NAB2: variants seen among roughly 807,000 people sequenced by gnomAD.
NAB2 encodes NGFI-A binding protein 2, also known as NGFI-A-binding protein 2.
Under a neutral mutation model 44.2 loss-of-function variants are expected in NAB2, and 9 were observed. That is an observed-to-expected ratio of 0.20 (90% confidence interval 0.12 to 0.36). The LOEUF (loss-of-function observed/expected upper bound fraction) is 0.36, where lower values mean the gene tolerates loss of function less well. Ranked by LOEUF, NAB2 falls within the 10% of genes least tolerant of loss-of-function variation. The probability of loss-of-function intolerance (pLI) is 1.00; values close to 1 mark genes in which losing one functional copy is unlikely to be tolerated. For synonymous variants in NAB2, 342 were observed against 291.0 expected, an observed-to-expected ratio of 1.18 and a Z score of -1.78; for missense variants, 514 against 709.0, an observed-to-expected ratio of 0.73 and a Z score of 3.12.
Position 57,089,253 on chromosome 12 carries a change from G to T in NAB2, c.-19G>T. 1.3e-6 allele frequency: 2 copies of T among 1,564,508 alleles called. No individual in the cohort carries two copies. The highest frequency in any genetic ancestry group is 1.2e-5 in the South Asian group (1 of 85,162). On this transcript the variant is annotated 5_prime_UTR_variant, in exon 1 of 7. Transcript: ENST00000300131. ...CGCCGGGCACCGAGAAGGGCAGCCCGGGTGATCTCCGGCCGTCCATGCACA... is the reference window on the plus strand; with the variant it reads ...CGCCGGGCACCGAGAAGGGCAGCCCTGGTGATCTCCGGCCGTCCATGCACA...
At position 57,089,247 on chromosome 12, in the gene NAB2, C is replaced by A; in HGVS notation, c.-25C>A. On this transcript the variant is annotated 5_prime_UTR_variant, in exon 1 of 7. Coordinates refer to ENST00000300131, the MANE Select transcript of NAB2 (RefSeq NM_005967.4). ...GCCGAGCGCCGGGCACCGAGAAGGG[C>A]AGCCCGGGTGATCTCCGGCCGTCCA... 1 of 1,559,604 alleles carries A rather than the reference C, an allele frequency of 6.4e-7. No homozygotes were observed.
At chr12:57,089,447 G>C in intron 1 of NAB2, 93 bp downstream of exon 1, 3 of 1,102,588 alleles carry the variant, frequency 2.7e-6, no homozygotes, top group African/African-American at 1.6e-5. Flanking sequence ...GGGAGGACGT[G>C]GGGAAGCAGG....
In NAB2 at chr12:57,091,107, T is replaced by C. The variant is rs766812668; in HGVS notation, c.84-18T>C. The C allele has an allele frequency of 6.6e-7, 1 of 1,505,800 alleles. No homozygotes were observed. The highest frequency in any genetic ancestry group is 2.3e-5 in the Admixed American group (1 of 44,212). 93.3% of individuals were successfully genotyped at this position (1,505,800 alleles called of 1,614,324 possible). ...GGACTTGCACCGACTGCCTCTCTCTTGTGCCCCTCCTTCTCAGGCCCAGTG... is the reference window on the plus strand; with the variant it reads ...GGACTTGCACCGACTGCCTCTCTCTCGTGCCCCTCCTTCTCAGGCCCAGTG... On this transcript the variant is annotated intron_variant, in intron 1 of 6. Transcript: ENST00000300131. The surrounding 1 kb of genome is among the most constrained non-coding windows in gnomAD (Gnocchi z 7.3).
In NAB2 at chr12:57,091,117, C is replaced by T. The variant is rs1286045949; in HGVS notation, c.84-8C>T. 2 of 1,509,682 alleles carry T rather than the reference C, an allele frequency of 1.3e-6. No homozygotes were observed. Among genetic ancestry groups the T allele is most frequent in the East Asian group, 2.3e-5 (1 of 43,864 alleles). The allele number at this position is 1,509,682 out of a possible 1,614,324, so 93.5% of individuals were successfully genotyped here. A position where few individuals can be genotyped will look rare whatever the true frequency, so the allele number is the denominator to read the frequency against. ...CGACTGCCTCTCTCTTGTGCCCCTC[C>T]TTCTCAGGCCCAGTGCCCGAGCCAT... is the stretch of plus-strand genomic sequence containing the variant. On this transcript the variant is annotated splice_polypyrimidine_tract_variant and splice_region_variant and intron_variant, in intron 1 of 6. Coordinates refer to ENST00000300131, the MANE Select transcript of NAB2 (RefSeq NM_005967.4). The surrounding 1 kb of genome is among the most constrained non-coding windows in gnomAD (Gnocchi z 7.3).
intron 2 of NAB2, 70 bp from the exon 3 acceptor site, chr12:57,092,378 G>A: frequency 6.3e-7 from 1 of 1,580,646 alleles, no homozygotes; most frequent in Non-Finnish European, 8.6e-7. Flanking sequence ...TGGTGAAGGG[G>A]TGTGAGGAGG....
intron 3 of NAB2, 83 bp downstream of exon 3, chr12:57,092,664 T>C: frequency 1.3e-6 from 2 of 1,531,018 alleles, no homozygotes; most frequent in Non-Finnish European, 8.9e-7. Flanking sequence ...CTCAGGCAGC[T>C]CTAGGCCTGC....
At chr12:57,094,365 C>T (rs1050087238) in intron 6 of NAB2, among the ~76,000 whole-genome samples, 9 of 150,814 alleles carry the variant, frequency 6.0e-5, no homozygotes, top group Non-Finnish European at 1.0e-4. Context: ...CCAGCGCAAC[C>T]GAGGAGGCGG....
chr12:57,094,857 G>A lies in NAB2; in HGVS notation c.*136G>A. On this transcript the variant is annotated 3_prime_UTR_variant, in exon 7 of 7. Coordinates refer to ENST00000300131, the MANE Select transcript of NAB2 (RefSeq NM_005967.4). ...TCTCCTGCCTCCCCACCTGCTCCAT[G>A]GGCATAAGACTGTGGGGCTTCAAGC... 1 of 690,756 alleles carries A rather than the reference G, an allele frequency of 1.4e-6. No homozygotes were observed. The highest frequency in any genetic ancestry group is 2.4e-6 in the Non-Finnish European group (1 of 411,466). The allele number at this position is 690,756 out of a possible 1,614,324, so 42.8% of individuals were successfully genotyped here.
Position 57,091,535 on chromosome 12 carries a change from A to T in NAB2, c.494A>T (p.Glu165Val), listed in dbSNP as rs777939777. ...AGTTTTAGCCCCAAGAGCCCCCTTGAACTTGGAGAGAAGCTATCACCACTG... is the reference window on the plus strand; with the variant it reads ...AGTTTTAGCCCCAAGAGCCCCCTTGTACTTGGAGAGAAGCTATCACCACTG... ...ARSFSPKSPL[E>V]LGEKLSPLPG... The change falls in exon 2 of 7, where the codon GAA (glutamate) becomes GTA (valine). Residue 165 changes from glutamate (E) to valine (V), a missense_variant. Around this residue, in one of 5 missense-constraint regions of NAB2, gnomAD observed 177 missense variants for 200.5 expected, o/e 0.88. Coordinates refer to ENST00000300131, the MANE Select transcript of NAB2 (RefSeq NM_005967.4). The surrounding 1 kb of genome is among the most constrained non-coding windows in gnomAD (Gnocchi z 7.3). 1 of 1,613,030 alleles carries T rather than the reference A, an allele frequency of 6.2e-7. No individual in the cohort carries two copies. The highest frequency in any genetic ancestry group is 8.5e-7 in the Non-Finnish European group (1 of 1,179,428).
intron 3 of NAB2, among the ~76,000 whole-genome samples, 166 bp from the exon 4 acceptor site, chr12:57,092,751 G>A (rs535679832): frequency 6.6e-6 from 1 of 152,264 alleles, no homozygotes; most frequent in Non-Finnish European, 1.5e-5. Flanking sequence ...ATCCATGTCG[G>A]GTCCCCCCAA....
At position 57,094,690 on chromosome 12, in the gene NAB2, T is replaced by A; in HGVS notation, c.1547T>A (p.Val516Glu). 1 of 1,554,212 alleles carries A rather than the reference T, an allele frequency of 6.4e-7. No homozygotes were observed. The highest frequency in any genetic ancestry group is 8.7e-7 in the Non-Finnish European group (1 of 1,148,596). Reference protein sequence around the residue: ...PALVEGRRSSVKVEAEASRQ With the variant: ...PALVEGRRSSEKVEAEASRQ ...CTGGTGGAGGGTCGCAGGAGCAGCG[T>A]GAAAGTGGAGGCTGAGGCCAGCCGG... Residue 516 changes from valine (V) to glutamate (E), a missense_variant, in exon 7 of 7, where the codon GTG becomes GAG. By Grantham distance (121) the Val-to-Glu change is moderately radical (BLOSUM62 -2). This residue lies in a region of NAB2 where 194 missense variants were observed against 223.9 expected (regional missense o/e 0.87). Coordinates refer to ENST00000300131, the MANE Select transcript of NAB2 (RefSeq NM_005967.4).
rs935036025 is a variant in NAB2 at position 57,089,470 on chromosome 12, G to C, written c.83+116G>C. On this transcript the variant is annotated intron_variant, in intron 1 of 6. Coordinates refer to ENST00000300131, the MANE Select transcript of NAB2 (RefSeq NM_005967.4). ...GTGGGGAAGCAGGACGGGGGTGGGG[G>C]GTGGAGACTGATGGAAAAGGGGGTG... The C allele has an allele frequency of 3.8e-5, 30 of 792,286 alleles. 1 individual carries two copies. The highest frequency in any genetic ancestry group is 5.0e-5 in the Non-Finnish European group (26 of 522,376). The allele number at this position is 792,286 out of a possible 1,614,324, so 49.1% of individuals were successfully genotyped here. A position where few individuals can be genotyped will look rare whatever the true frequency, so the allele number is the denominator to read the frequency against.
At chr12:57,092,043 C>T in intron 2 of NAB2, 45 bp downstream of exon 2, 6 of 1,560,412 alleles carry the variant, frequency 3.8e-6, no homozygotes, top group South Asian at 2.4e-5. Flanking sequence ...ACTTCCAGGT[C>T]TCCAGCCGCT....
In NAB2 at chr12:57,092,051, G is replaced by A. The variant is rs115546341; in HGVS notation, c.957+53G>A. 406 of 1,549,790 alleles carry A rather than the reference G, an allele frequency of 2.6e-4. 3 individuals are homozygous for A. The African/African-American group carries it at 4.2e-3, about 16-fold the overall frequency. ...GCCCTTGACTTCCAGGTCTCCAGCC[G>A]CTTACCTCTGCGAGTTTCTACAGTC... is the stretch of plus-strand genomic sequence containing the variant. On this transcript the variant is annotated intron_variant, in intron 2 of 6. Coordinates refer to ENST00000300131, the MANE Select transcript of NAB2 (RefSeq NM_005967.4).
At position 57,094,520 on chromosome 12, in the gene NAB2, C is replaced by T. The variant is rs568381043; in HGVS notation, c.1469-92C>T. ...AATAAACCTAAACTGAGCCCATCTT[C>T]ACAGCTTTCTTTGCCCCTGCTTCTG... On this transcript the variant is annotated intron_variant, in intron 6 of 6. Transcript: ENST00000300131. The T allele has an allele frequency of 5.1e-3, 5,182 of 1,023,352 alleles. 23 individuals are homozygous for T. The highest frequency in any genetic ancestry group is 6.6e-3 in the Non-Finnish European group (4,434 of 671,944). 63.4% of individuals were successfully genotyped at this position (1,023,352 alleles called of 1,614,324 possible).
chr12:57,093,839 G>A (rs576826847), intron 6 of NAB2, among the ~76,000 whole-genome samples: 6 of 151,376 alleles, frequency 4.0e-5, no homozygotes, highest in South Asian at 4.2e-4. Flanking sequence ...GGGAATGGGG[G>A]GACAGAGAAA....
chr12:57,093,369 G>T, intron 5 of NAB2, 38 bp from the exon 6 acceptor site: 1 of 1,498,598 alleles, frequency 6.7e-7, no homozygotes, highest in Non-Finnish European at 8.9e-7. Context: ...GGTTCCATTG[G>T]CTGCAGCCCC....
At position 57,091,233 on chromosome 12, in the gene NAB2, G is replaced by A. The variant is rs867966100; in HGVS notation, c.192G>A (p.Gln64=). The stretch of plus-strand genomic sequence containing the variant: ...CCTACTATGAGACCTTCATCCAGCA[G>A]GGAGGGGACGACGTGCAGCAGCTGT... ...LLSYYETFIQ[Q]GGDDVQQLCE... The change falls in exon 2 of 7, where the codon CAG becomes CAA. Residue 64 remains glutamine (Q), a synonymous_variant. Coordinates refer to ENST00000300131, the MANE Select transcript of NAB2 (RefSeq NM_005967.4). This position sits in a 1 kb window ranked among gnomAD's most constrained non-coding sequence, Gnocchi z 7.3. The A allele has an allele frequency of 1.3e-6, 2 of 1,598,246 alleles. No individual in the cohort carries two copies. The highest frequency in any genetic ancestry group is 1.7e-6 in the Non-Finnish European group (2 of 1,168,864).
chr12:57,093,153 A>G lies in NAB2; in HGVS notation c.1234A>G (p.Ser412Gly), dbSNP rs1157168029. The change falls in exon 5 of 7, where the codon AGC (serine) becomes GGC (glycine). Residue 412 changes from serine to glycine, a missense_variant. Coordinates refer to ENST00000300131, the MANE Select transcript of NAB2 (RefSeq NM_005967.4). ...PPYRPSLEED[S>G]ASLSGESLDG... ...ATACCGCCCCAGCCTGGAGGAGGACAGCGCCAGCCTGTCTGGGGAGAGTCT... is the reference window on the plus strand; with the variant it reads ...ATACCGCCCCAGCCTGGAGGAGGACGGCGCCAGCCTGTCTGGGGAGAGTCT... The G allele has an allele frequency of 4.3e-6, 7 of 1,613,082 alleles. No individual in the cohort carries two copies. Among genetic ancestry groups the G allele is most frequent in the African/African-American group, 1.3e-5 (1 of 75,040 alleles).
Sources: gnomAD v4.1 joint callset for allele counts (sites outside exome capture counted in the v4.1 genomes callset) on GRCh38, gnomAD v4.1.1 for gene constraint, gnomAD v4.1.1 regional missense constraint, Gnocchi (gnomAD v3.1) non-coding constraint, MANE v1.5 for transcripts, NCBI Gene and HGNC (gene_info 2026-07-23, HGNC 2026-07-21) for gene names.